The following AHNAK variants were observed in gnomAD, a reference collection of about 807,000 sequenced individuals.
The protein encoded by AHNAK is AHNAK nucleoprotein.
In AHNAK, 23 loss-of-function variants were observed where a neutral mutation model predicts 37.8. The ratio of observed to expected loss-of-function variants is 0.61; its 90% CI spans 0.44 to 0.86. The LOEUF is 0.86. AHNAK is among the 40% of genes least tolerant of loss of function. The pLI is 0.00. For synonymous variants in AHNAK, 2,481 were observed against 2,636.3 expected (o/e 0.94, Z 1.80); for missense variants, 7,411 against 7,319.4 (o/e 1.01, Z -0.46).
chr11:62,522,679 T>C lies in AHNAK; in HGVS notation c.11738A>G (p.Lys3913Arg). ...QVPDLDIKGP[K>R]VDINAPDVDV... ...CACATCTGGGGCATTAATATCCACTTTGGGGCCTTTAATATCCAAGTCAGG... is the reference window on the plus strand; with the variant it reads ...CACATCTGGGGCATTAATATCCACTCTGGGGCCTTTAATATCCAAGTCAGG... Residue 3913 changes from lysine (K) to arginine (R), a missense_variant, in exon 5 of 5, where the codon AAA (lysine) becomes AGA (arginine). Transcript: ENST00000378024. 1 of 1,612,784 alleles carries C rather than the reference T, an allele frequency of 6.2e-7. No homozygotes were observed. The highest frequency in any genetic ancestry group is 8.5e-7 in the Non-Finnish European group (1 of 1,179,768).
Position 62,531,808 on chromosome 11 carries a change from C to T in AHNAK, c.2609G>A (p.Gly870Asp). The stretch of plus-strand genomic sequence containing the variant: ...GGGCATCTTCAGGTGCCAGTCTGGG[C>T]CTTGAACCTCCACATCTGGGACATC... ...DIDVPDVEVQ[G>D]PDWHLKMPKM... Residue 870 changes from glycine to aspartate, a missense_variant, in exon 5 of 5, where the codon GGC (glycine) becomes GAC (aspartate). Gly to Asp is a moderately conservative substitution (Grantham distance 94). Coordinates refer to ENST00000378024, the MANE Select transcript of AHNAK (RefSeq NM_001620.3). 3 of 1,613,494 alleles carry T rather than the reference C, an allele frequency of 1.9e-6. No individual in the cohort carries two copies. Among genetic ancestry groups the T allele is most frequent in the Non-Finnish European group, 2.5e-6 (3 of 1,179,934 alleles).
intron 5 of AHNAK, among the ~76,000 whole-genome samples, chr11:62,477,754 A>T (rs1426912725): frequency 2.0e-5 from 3 of 151,546 alleles, no homozygotes; most frequent in Non-Finnish European, 2.9e-5. Flanking sequence ...GTGAGCTGAG[A>T]CCGCGCCACT....
At position 62,522,211 on chromosome 11, in the gene AHNAK, C is replaced by A. The variant is rs1024219934; in HGVS notation, c.12206G>T (p.Ser4069Ile). ...GCCCTCTCCTTTAAATCCTGGCATG[C>A]TGAATTTGGGCATTTTCACCTTGGG... ...KMPKVKMPKF[S>I]MPGFKGEGPE... The change falls in exon 5 of 5, where the codon AGC becomes ATC. Residue 4069 changes from serine (S) to isoleucine (I), a missense_variant. By Grantham distance (142) the Ser-to-Ile change is moderately radical. Transcript: ENST00000378024. 3 of 1,613,006 alleles carry A rather than the reference C, an allele frequency of 1.9e-6. No homozygotes were observed. The highest frequency in any genetic ancestry group is 1.1e-5 in the South Asian group (1 of 91,042).
Position 62,530,628 on chromosome 11 carries a change from G to T in AHNAK, c.3789C>A (p.Ser1263Arg). The change falls in exon 5 of 5, where the codon AGC becomes AGA. Residue 1263 changes from serine (S) to arginine (R), a missense_variant. Transcript: ENST00000378024. The stretch of plus-strand genomic sequence containing the variant: ...GGCCCTCTCCTTTGAAGCCAGGCAT[G>T]CTAAACTTGGGCATTTTCATCTTGG... Reference protein sequence around the residue: ...KMPKMKMPKFSMPGFKGEGRE... With the variant: ...KMPKMKMPKFRMPGFKGEGRE... 1 of 1,613,566 alleles carries T rather than the reference G, an allele frequency of 6.2e-7. No individual in the cohort carries two copies. The highest frequency in any genetic ancestry group is 8.5e-7 in the Non-Finnish European group (1 of 1,179,948).
chr11:62,516,166 G>T lies in AHNAK; in HGVS notation c.*578C>A. 1 of 1,289,082 alleles carries T rather than the reference G, an allele frequency of 7.8e-7. No individual in the cohort carries two copies. Among genetic ancestry groups the T allele is most frequent in the South Asian group, 1.2e-5 (1 of 81,004 alleles). 79.9% of individuals were successfully genotyped at this position (1,289,082 alleles called of 1,614,324 possible). A position where few individuals can be genotyped will look rare whatever the true frequency, so the allele number is the denominator to read the frequency against. On this transcript the variant is annotated 3_prime_UTR_variant, in exon 5 of 5. Transcript: ENST00000378024. The stretch of plus-strand genomic sequence containing the variant: ...TCCTCTCACCGTCAGCACCAAACTG[G>T]CTGGGACCACCACCCCTGGGTGAAA...
intron 5 of AHNAK, among the ~76,000 whole-genome samples, chr11:62,461,658 C>G (rs1938791195): frequency 6.6e-6 from 1 of 152,020 alleles, no homozygotes; most frequent in South Asian, 2.1e-4. Context: ...AACCCCATCT[C>G]TACTAAAAAT....
chr11:62,492,996 GTTTTC>G (rs1289526665), intron 4 of AHNAK, among the ~76,000 whole-genome samples: 6 of 138,260 alleles, frequency 4.3e-5, no homozygotes, highest in South Asian at 2.2e-4. Flanking sequence ...TCTTTCTACT[GTTTTC>G]TTTTCTTTTC....
intron 4 of AHNAK, among the ~76,000 whole-genome samples, chr11:62,509,849 TG>T (rs1190573716): frequency 6.6e-6 from 1 of 151,326 alleles, no homozygotes; most frequent in Non-Finnish European, 1.5e-5. Context: ...ACCTAGGAGG[TG>T]GAGGTTGCAG....
rs779989474 is a variant in AHNAK, at chr11:62,520,063, A to T, written c.14354T>A (p.Met4785Lys). 1 of 1,612,482 alleles carries T rather than the reference A, an allele frequency of 6.2e-7. No individual in the cohort carries two copies. Among genetic ancestry groups the T allele is most frequent in the Non-Finnish European group, 8.5e-7 (1 of 1,179,636 alleles). The part of the protein sequence containing the change: ...DWHLKMPKVK[M>K]PKFSMPGFKG... Reference sequence around the variant, plus strand: ...GAAGCCAGGCATGCTGAATTTGGGCATTTTCACCTTGGGCATCTTCAGGTG... The same window carrying T: ...GAAGCCAGGCATGCTGAATTTGGGCTTTTTCACCTTGGGCATCTTCAGGTG... Residue 4785 changes from methionine (M) to lysine (K), a missense_variant, in exon 5 of 5, where the codon ATG (methionine) becomes AAG (lysine). Coordinates refer to ENST00000378024, the MANE Select transcript of AHNAK (RefSeq NM_001620.3).
rs747002948 is a variant in AHNAK, at chr11:62,528,138, A to C, written c.6279T>G (p.Leu2093=). The C allele has an allele frequency of 3.1e-6, 5 of 1,611,274 alleles. No individual in the cohort carries two copies. The African/African-American group carries it at 5.4e-5, about 17-fold the overall frequency. The change falls in exon 5 of 5, where the codon CTT becomes CTG. Residue 2093 remains leucine (L), a synonymous_variant. Coordinates refer to ENST00000378024, the MANE Select transcript of AHNAK (RefSeq NM_001620.3). ...CCTTCAGCTTCCCTTCTGGACCTTC[A>C]AGGCTCACATCTGGGACTTCAACAT... is the stretch of plus-strand genomic sequence containing the variant. ...KVDVEVPDVS[L]EGPEGKLKGP... is the part of the protein sequence containing the mutation.
chr11:62,483,464 C>T (rs1359206695), intron 5 of AHNAK, among the ~76,000 whole-genome samples: 6 of 152,172 alleles, frequency 3.9e-5, no homozygotes, highest in Non-Finnish European at 5.9e-5. Context: ...CGGTGGCTCG[C>T]GCCTGTAATC....
chr11:62,443,149 G>A (rs1425278688), intron 5 of AHNAK, among the ~76,000 whole-genome samples: 4 of 150,456 alleles, frequency 2.7e-5, no homozygotes, highest in Non-Finnish European at 3.0e-5. Flanking sequence ...GCTAATTTTT[G>A]TATTTTTTAG....
At chr11:62,515,013 C>A (rs767241287), downstream of AHNAK, among the ~76,000 whole-genome samples, 2 of 152,078 alleles carry the variant, frequency 1.3e-5, no homozygotes, top group Non-Finnish European at 1.5e-5. Flanking sequence ...TAAGGAATGG[C>A]GAGGGGGACA....
Position 62,528,718 on chromosome 11 carries a change from C to G in AHNAK, c.5699G>C (p.Cys1900Ser), listed in dbSNP as rs150461450. ...AGGGCCTTTCAACTTTGCATCAGGA[C>G]ACTCCAGCTCAACATCAGGCACCTC... is the stretch of plus-strand genomic sequence containing the variant. ...GVEVPDVELECPDAKLKGPKF... is the reference protein window; with the variant it reads ...GVEVPDVELESPDAKLKGPKF... The change falls in exon 5 of 5, where the codon TGT becomes TCT. Residue 1900 changes from cysteine to serine, a missense_variant. By Grantham distance (112) the Cys-to-Ser change is moderately radical (BLOSUM62 -1). Coordinates refer to ENST00000378024, the MANE Select transcript of AHNAK (RefSeq NM_001620.3). The G allele has an allele frequency of 1.4e-4, 228 of 1,612,030 alleles. No homozygotes were observed. The African/African-American group carries it at 2.8e-3, about 20-fold the overall frequency.
chr11:62,506,307 G>A (rs551987623), intron 4 of AHNAK, among the ~76,000 whole-genome samples: 51 of 152,226 alleles, frequency 3.4e-4, no homozygotes, highest in African/African-American at 1.2e-3. Flanking sequence ...CCTTGGAAGG[G>A]TGTCGGGGTT....
At chr11:62,484,581 A>T (rs1027365178) in intron 5 of AHNAK, among the ~76,000 whole-genome samples, 4 of 152,150 alleles carry the variant, frequency 2.6e-5, no homozygotes, top group African/African-American at 7.2e-5. Context: ...TGGCTGCCAG[A>T]TCAAGGAACA....
chr11:62,497,927 G>A (rs1005953184), intron 4 of AHNAK, among the ~76,000 whole-genome samples: 1 of 151,692 alleles, frequency 6.6e-6, no homozygotes, highest in Non-Finnish European at 1.5e-5. Flanking sequence ...CTGAGCCACT[G>A]CACTCCAGCC....
chr11:62,438,178 TC>T (rs1565193997), intron 5 of AHNAK, among the ~76,000 whole-genome samples: 24 of 138,650 alleles, frequency 1.7e-4, no homozygotes, highest in African/African-American at 5.6e-4. Context: ...TTTTTCTTTC[TC>T]TCTTTTTTTT....
intron 5 of AHNAK, among the ~76,000 whole-genome samples, chr11:62,450,191 T>A (rs1273570755): frequency 6.6e-6 from 1 of 151,858 alleles, no homozygotes; most frequent in Non-Finnish European, 1.5e-5. Context: ...GTTTCACTCT[T>A]GTCATCCAGG....
Sources: gnomAD v4.1 joint callset for allele counts (sites outside exome capture counted in the v4.1 genomes callset) on GRCh38, gnomAD v4.1.1 for gene constraint, MANE v1.5 for transcripts, NCBI Gene and HGNC (gene_info 2026-07-23, HGNC 2026-07-21) for gene names.